The following SBF1 variants were observed in gnomAD, a reference collection of about 807,000 sequenced individuals.
SBF1 encodes myotubularin-related protein 5.
SBF1 carries 65 observed loss-of-function variants against 215.8 expected under a neutral mutation model. The ratio of observed to expected loss-of-function variants is 0.30; its 90% CI spans 0.25 to 0.37. The LOEUF is 0.37. Among genes scored for constraint, SBF1 ranks in the 10% least tolerant of loss-of-function variants. The pLI, the probability that SBF1 is intolerant of heterozygous loss-of-function variation, is 1.00. For synonymous variants in SBF1, 1,410 were observed against 1,122.8 expected (o/e 1.26, Z -5.11); for missense variants, 2,634 against 2,667.8 (o/e 0.99, Z 0.28).
At chr22:50,448,069 G>C (rs192444809) in intron 38 of SBF1, among the ~76,000 whole-genome samples, 164 bp downstream of exon 38, 54 of 152,330 alleles carry the variant, frequency 3.5e-4, no homozygotes, top group African/African-American at 1.3e-3. Context: ...TGCAGGCTGT[G>C]GTCAGCTGTG....
chr22:50,474,447 G>A (rs1050710401), intron 1 of SBF1, among the ~76,000 whole-genome samples: 27 of 152,192 alleles, frequency 1.8e-4, no homozygotes, highest in Admixed American at 1.2e-3. Context: ...GGCCGGGCAG[G>A]CCGGGCCCAG....
In SBF1 at chr22:50,474,750, G is replaced by A. The variant is rs1340848412; in HGVS notation, c.55+36C>T. On this transcript the variant is annotated intron_variant, in intron 1 of 40. Coordinates refer to ENST00000380817, the MANE Select transcript of SBF1 (RefSeq NM_002972.4). ...CCCTGGCCCTCAGCACTCGACCCTC[G>A]GCCCCCGGCCCTCAGCGCTTGGCCT... 4.8e-6 allele frequency: 7 copies of A among 1,444,028 alleles called. No homozygotes were observed. The South Asian group carries it at 5.1e-5, about 11-fold the overall frequency. The allele number at this position is 1,444,028 out of a possible 1,614,324, so 89.5% of individuals were successfully genotyped here.
Position 50,460,156 on chromosome 22 carries a change from G to A in SBF1, c.3287C>T (p.Ser1096Leu), listed in dbSNP as rs200085962. The change falls in exon 26 of 41, where the codon TCG becomes TTG. Residue 1096 changes from serine (S) to leucine (L), a missense_variant. Physicochemically the swap from Ser to Leu is moderately radical, Grantham distance 145 (BLOSUM62 -2). Transcript: ENST00000380817. ...PEDQEDEISV[S>L]EELEPSTLTP... ...CAGCGTGCTGGGCTCCAGCTCCTCC[G>A]ACACTGCACAGGCCGGGCACACGTG... The A allele has an allele frequency of 3.2e-5, 52 of 1,611,164 alleles. No homozygotes were observed. In the East Asian group the frequency reaches 5.8e-4, roughly 18 times the overall value.
At chr22:50,470,731 ACAGT>A in intron 1 of SBF1, among the ~76,000 whole-genome samples, 1 of 152,222 alleles carries the variant, frequency 6.6e-6, no homozygotes, top group African/African-American at 2.4e-5. Context: ...TAGAACACGT[ACAGT>A]CGGCTACACA....
chr22:50,458,748 CG>C (rs2067368596), intron 28 of SBF1, among the ~76,000 whole-genome samples: 1 of 152,122 alleles, frequency 6.6e-6, no homozygotes, highest in African/African-American at 2.4e-5. Context: ...AAGGCCAGCT[CG>C]GGCAAGGCCC....
intron 36 of SBF1, among the ~76,000 whole-genome samples, chr22:50,454,053 C>G (rs2067150095): frequency 6.6e-6 from 1 of 152,182 alleles, no homozygotes; most frequent in Non-Finnish European, 1.5e-5. Context: ...AGGGATGGCA[C>G]AGTGAGGGGT....
rs762000905 is a variant in SBF1 at position 50,455,427 on chromosome 22, A to T, written c.4369-18T>A. 1.4e-5 allele frequency: 23 copies of T among 1,612,034 alleles called. No individual in the cohort carries two copies. The highest frequency in any genetic ancestry group is 4.5e-5 in the East Asian group (2 of 44,838). ...GATACCACCTGCCAGCACCGCCAGGAGGTCAGCGAGGAGCCCGGGAGCCTG... is the reference window on the plus strand; with the variant it reads ...GATACCACCTGCCAGCACCGCCAGGTGGTCAGCGAGGAGCCCGGGAGCCTG... On this transcript the variant is annotated intron_variant, in intron 32 of 40. Coordinates refer to ENST00000380817, the MANE Select transcript of SBF1 (RefSeq NM_002972.4).
chr22:50,461,969 C>G lies in SBF1; in HGVS notation c.2547G>C (p.Lys849Asn). 3 of 1,614,238 alleles carry G rather than the reference C, an allele frequency of 1.9e-6. No homozygotes were observed. Among genetic ancestry groups the G allele is most frequent in the Non-Finnish European group, 2.5e-6 (3 of 1,180,040 alleles). ...TESGVTSDHLKGLHVMVPDIV... is the reference protein window; with the variant it reads ...TESGVTSDHLNGLHVMVPDIV... Reference sequence around the variant, plus strand: ...TACCTGGCACCATGACATGCAGCCCCTTGAGGTGGTCGCTGGTGACCCCAC... The same window carrying G: ...TACCTGGCACCATGACATGCAGCCCGTTGAGGTGGTCGCTGGTGACCCCAC... The change falls in exon 20 of 41, where the codon AAG (lysine) becomes AAC (asparagine). Residue 849 changes from lysine (K) to asparagine (N), a missense_variant. By Grantham distance (94) the Lys-to-Asn change is moderately conservative. Coordinates refer to ENST00000380817, the MANE Select transcript of SBF1 (RefSeq NM_002972.4).
intron 26 of SBF1, 21 bp downstream of exon 26, chr22:50,459,931 C>G: frequency 6.2e-7 from 1 of 1,612,642 alleles, no homozygotes; most frequent in Non-Finnish European, 8.5e-7. Context: ...ACCACCCGGG[C>G]CAGCCCTGGC....
chr22:50,459,277 G>C lies in SBF1; in HGVS notation c.3804C>G (p.Ser1268=), dbSNP rs761287777. 1.1e-5 allele frequency: 17 copies of C among 1,607,096 alleles called. 1 individual carries two copies. The South Asian group carries it at 1.7e-4, about 16-fold the overall frequency. Residue 1268 remains serine (S), a synonymous_variant, in exon 28 of 41, where the codon TCC becomes TCG. Transcript: ENST00000380817. ...CACCGTGACTGCCCATGTGGGCTGA[G>C]GAGAAGCCGCTAAGCGTGTTGCGTC... ...ASGRNTLSGF[S]SAHMGSHVPS...
At position 50,448,300 on chromosome 22, in the gene SBF1, G is replaced by A. The variant is rs751627335; in HGVS notation, c.5296C>T (p.Arg1766Cys). The change falls in exon 38 of 41, where the codon CGT becomes TGT. Residue 1766 changes from arginine to cysteine, a missense_variant. Arg to Cys is a radical substitution (Grantham distance 180). Coordinates refer to ENST00000380817, the MANE Select transcript of SBF1 (RefSeq NM_002972.4). ...QSSGSTTSGSRQAARRSTSTL... is the reference protein window; with the variant it reads ...QSSGSTTSGSCQAARRSTSTL... ...CTGGTGCTGCGGCGGGCAGCCTGAC[G>A]GGAGCCGGATGTGGTTGAGCCACTA... 25 of 1,613,196 alleles carry A rather than the reference G, an allele frequency of 1.5e-5. No individual in the cohort carries two copies. In the Admixed American group the frequency reaches 3.0e-4, roughly 19 times the overall value.
Position 50,446,928 on chromosome 22 carries a change from C to T in SBF1, c.*214G>A, listed in dbSNP as rs1328735328. 8 of 715,946 alleles carry T rather than the reference C, an allele frequency of 1.1e-5. No individual in the cohort carries two copies. In the South Asian group the frequency reaches 1.2e-4, roughly 10 times the overall value. 44.3% of individuals were successfully genotyped at this position (715,946 alleles called of 1,614,324 possible). A position where few individuals can be genotyped will look rare whatever the true frequency, so the allele number is the denominator to read the frequency against. ...GGCCCATTGCGGGCTGTACCTTGGC[C>T]ACCTCCCGGCACGGTGCTCAGCTGT... is the stretch of plus-strand genomic sequence containing the variant. On this transcript the variant is annotated 3_prime_UTR_variant, in exon 41 of 41. Coordinates refer to ENST00000380817, the MANE Select transcript of SBF1 (RefSeq NM_002972.4).
intron 31 of SBF1, 158 bp downstream of exon 31, chr22:50,456,058 G>A (rs958664730): frequency 6.4e-6 from 5 of 778,454 alleles, no homozygotes; most frequent in South Asian, 5.7e-5. Context: ...CCTCCCAGCT[G>A]CCTTCTAGGC....
At chr22:50,449,363 T>C (rs2066955493) in intron 36 of SBF1, among the ~76,000 whole-genome samples, 1 of 152,070 alleles carries the variant, frequency 6.6e-6, no homozygotes, top group African/African-American at 2.4e-5. Flanking sequence ...ACGCCTGTAA[T>C]CCCAGCACTT....
Position 50,454,675 on chromosome 22 carries a change from G to A in SBF1, c.4880C>T (p.Ala1627Val). Residue 1627 changes from alanine to valine, a missense_variant, in exon 36 of 41, where the codon GCC (alanine) becomes GTC (valine). Transcript: ENST00000380817. ...TTCCCAGTCATAGGGAGGGCCCTCGGCCAGCGTCTCCTCAGTGTAGAAGTC... is the reference window on the plus strand; with the variant it reads ...TTCCCAGTCATAGGGAGGGCCCTCGACCAGCGTCTCCTCAGTGTAGAAGTC... ...VWDFYTEETL[A>V]EGPPYDWELA... 1.3e-6 allele frequency: 2 copies of A among 1,575,818 alleles called. No individual in the cohort carries two copies.
chr22:50,472,032 C>T (rs531782553), intron 1 of SBF1, among the ~76,000 whole-genome samples: 6 of 152,356 alleles, frequency 3.9e-5, no homozygotes, highest in Non-Finnish European at 8.8e-5. Context: ...AAAGACACCT[C>T]AGCACTGGCC....
intron 10 of SBF1, 70 bp from the exon 11 acceptor site, chr22:50,465,398 C>T (rs1206077244): frequency 6.6e-6 from 9 of 1,361,246 alleles, no homozygotes; most frequent in Non-Finnish European, 8.1e-6. Context: ...CCAGGAGCTT[C>T]TCCACACCCC....
chr22:50,458,262 A>C (rs968707456), intron 28 of SBF1, among the ~76,000 whole-genome samples: 21 of 142,728 alleles, frequency 1.5e-4, no homozygotes, highest in Non-Finnish European at 2.9e-4. Context: ...CCGAGATCGC[A>C]CCACCGCACT....
chr22:50,460,690 T>C lies in SBF1; in HGVS notation c.2990A>G (p.Glu997Gly). 1.2e-6 allele frequency: 2 copies of C among 1,613,398 alleles called. No homozygotes were observed. The highest frequency in any genetic ancestry group is 1.7e-6 in the Non-Finnish European group (2 of 1,179,932). The change falls in exon 24 of 41, where the codon GAG (glutamate) becomes GGG (glycine). Residue 997 changes from glutamate (E) to glycine (G), a missense_variant. By Grantham distance (98) the Glu-to-Gly change is moderately conservative. Transcript: ENST00000380817. ...TFQLLKMAFD[E>G]EVGSDSAELF... is the part of the protein sequence containing the mutation. ...CTCGGCGCTGTCAGACCCCACCTCCTCGTCAAAGGCCATTTTCAGCAGCTG... is the reference window on the plus strand; with the variant it reads ...CTCGGCGCTGTCAGACCCCACCTCCCCGTCAAAGGCCATTTTCAGCAGCTG...
Sources: gnomAD v4.1 joint callset for allele counts (sites outside exome capture counted in the v4.1 genomes callset) on GRCh38, gnomAD v4.1.1 for gene constraint, MANE v1.5 for transcripts, NCBI Gene and HGNC (gene_info 2026-07-23, HGNC 2026-07-21) for gene names.